PCDHGB1: variants seen among roughly 807,000 people sequenced by gnomAD.
The protein encoded by PCDHGB1 is protocadherin gamma subfamily B, 1.
Under a neutral mutation model 56.6 loss-of-function variants are expected in PCDHGB1, and 34 were observed. The observed-to-expected ratio is 0.60, with a 90% confidence interval of 0.46 to 0.80. The LOEUF is 0.80. Among genes scored for constraint, PCDHGB1 ranks in the 30% least tolerant of loss-of-function variants. The probability of loss-of-function intolerance (pLI) is 0.00; values close to 1 mark genes in which losing one functional copy is unlikely to be tolerated. For missense variants in PCDHGB1, 1,278 were observed against 1,204.6 expected, an observed-to-expected ratio of 1.06 and a Z score of -0.90; for synonymous variants, 561 against 505.9, an observed-to-expected ratio of 1.11 and a Z score of -1.46.
chr5:141,372,158 G>C, intron 1 of PCDHGB1: 2 of 1,613,800 alleles, frequency 1.2e-6, no homozygotes, highest in Non-Finnish European at 1.7e-6. Context: ...GCTACCTGGT[G>C]ACCAAGGTGG....
intron 2 of PCDHGB1, among the ~76,000 whole-genome samples, chr5:141,499,283 G>T (rs1460838051): frequency 6.6e-6 from 1 of 152,066 alleles, no homozygotes; most frequent in Non-Finnish European, 1.5e-5. Context: ...TTCTCTGATG[G>T]CTCCACACTA....
At position 141,486,706 on chromosome 5, in the gene PCDHGB1, C is replaced by G; in HGVS notation, c.2410-8101C>G. 6.2e-7 allele frequency: 1 copy of G among 1,614,154 alleles called. No homozygotes were observed. Among genetic ancestry groups the G allele is most frequent in the Non-Finnish European group, 8.5e-7 (1 of 1,180,024 alleles). ...CAGCTTCCTCTTTCATCTCTCTGAA[C>G]CCCCAGACAGGAGCTGTTCATGCTA... On this transcript the variant is annotated intron_variant, in intron 1 of 3. Coordinates refer to ENST00000523390, the MANE Select transcript of PCDHGB1 (RefSeq NM_018922.3). This position sits in a 1 kb window ranked among gnomAD's most constrained non-coding sequence, Gnocchi z 5.0.
intron 1 of PCDHGB1, chr5:141,376,418 C>G (rs1354597104): frequency 6.2e-7 from 1 of 1,614,230 alleles, no homozygotes; most frequent in Admixed American, 1.7e-5. Context: ...TGCCGACACG[C>G]TTATCAACCA....
intron 1 of PCDHGB1, among the ~76,000 whole-genome samples, chr5:141,483,767 T>C (rs2099586826): frequency 6.6e-6 from 1 of 151,840 alleles, no homozygotes; most frequent in Non-Finnish European, 1.5e-5. Flanking sequence ...CTTGGAAAAA[T>C]ATTGGGGAAG....
chr5:141,441,883 A>T, intron 1 of PCDHGB1: 1 of 343,546 alleles, frequency 2.9e-6, no homozygotes, highest in South Asian at 2.6e-5. Context: ...CTACCTGGTC[A>T]CCAAGGTGGT....
chr5:141,491,850 T>C lies in PCDHGB1; in HGVS notation c.2410-2957T>C. ...CCCGATTCTCGGGATCATTGGACCG[T>C]TTGCGCGAAACCAGAGTGGCCGATT... On this transcript the variant is annotated intron_variant, in intron 1 of 3. Transcript: ENST00000523390. The surrounding 1 kb of genome is among the most constrained non-coding windows in gnomAD (Gnocchi z 6.9). 6.8e-7 allele frequency: 1 copy of C among 1,460,996 alleles called. No homozygotes were observed. The highest frequency in any genetic ancestry group is 2.5e-5 in the East Asian group (1 of 40,084). The allele number at this position is 1,460,996 out of a possible 1,614,324, so 90.5% of individuals were successfully genotyped here.
At chr5:141,381,443 C>T (rs1777196570) in intron 1 of PCDHGB1, among the ~76,000 whole-genome samples, 1 of 152,224 alleles carries the variant, frequency 6.6e-6, no homozygotes, top group Admixed American at 6.5e-5. Flanking sequence ...CCTGTCAGGA[C>T]AGTCCTGCAT....
intron 1 of PCDHGB1, chr5:141,423,648 G>A (rs1291261924): frequency 2.5e-6 from 4 of 1,590,008 alleles, no homozygotes; most frequent in Middle Eastern, 1.7e-4. Flanking sequence ...AATGTGACCC[G>A]ACAAGTAATC....
intron 1 of PCDHGB1, chr5:141,403,303 C>T (rs1561687273): frequency 1.9e-6 from 3 of 1,613,820 alleles, no homozygotes; most frequent in South Asian, 2.2e-5. Flanking sequence ...TGAAACTGTA[C>T]GGAATAGAAA....
intron 1 of PCDHGB1, chr5:141,420,193 A>G: frequency 6.2e-7 from 1 of 1,613,766 alleles, no homozygotes; most frequent in South Asian, 1.1e-5. Context: ...CAGCCACACA[A>G]GATAACCTCA....
intron 1 of PCDHGB1, chr5:141,427,571 G>T (rs1199845374): frequency 9.1e-6 from 6 of 662,944 alleles, no homozygotes; most frequent in Non-Finnish European, 1.7e-5. Context: ...GCAAGCCTCC[G>T]CTCTCATCCA....
Position 141,489,557 on chromosome 5 carries a change from T to C in PCDHGB1, c.2410-5250T>C, listed in dbSNP as rs150797955. 54 of 1,613,956 alleles carry C rather than the reference T, an allele frequency of 3.3e-5. 1 individual carries two copies. Among genetic ancestry groups the C allele is most frequent in the Non-Finnish European group, 4.3e-5 (51 of 1,180,004 alleles). On this transcript the variant is annotated intron_variant, in intron 1 of 3. Coordinates refer to ENST00000523390, the MANE Select transcript of PCDHGB1 (RefSeq NM_018922.3). The surrounding 1 kb of genome is among the most constrained non-coding windows in gnomAD (Gnocchi z 4.5). ...GCCAGCACCAGCTGCCTGCTGCCAG[T>C]GCAGGTGGTGACTGAACACCCCCTG...
chr5:141,410,202 A>G (rs766392835), intron 1 of PCDHGB1: 2 of 1,614,018 alleles, frequency 1.2e-6, no homozygotes, highest in Non-Finnish European at 1.7e-6. Flanking sequence ...TTCGCAGACA[A>G]CTTGCAAGAG....
At chr5:141,372,234 C>G in intron 1 of PCDHGB1, 1 of 1,613,350 alleles carries the variant, frequency 6.2e-7, no homozygotes, top group Non-Finnish European at 8.5e-7. Context: ...GGCCAGCGAG[C>G]CCGGGCTGTT....
At chr5:141,448,850 C>A (rs1227646790) in intron 1 of PCDHGB1, among the ~76,000 whole-genome samples, 1 of 152,048 alleles carries the variant, frequency 6.6e-6, no homozygotes, top group Non-Finnish European at 1.5e-5. Context: ...GAGGCTGAGG[C>A]AGGAGAATGG....
rs1348785166 is a variant in PCDHGB1, at chr5:141,431,381, C to T, written c.2410-63426C>T. On this transcript the variant is annotated intron_variant, in intron 1 of 3. Coordinates refer to ENST00000523390, the MANE Select transcript of PCDHGB1 (RefSeq NM_018922.3). The surrounding 1 kb of genome is among the most constrained non-coding windows in gnomAD (Gnocchi z 4.8). Reference sequence around the variant, plus strand: ...CCTGGACCGCGAAGAAAAGGCTGCTCACCACCTGGTCCTTACGGCCTCCGA... The same window carrying T: ...CCTGGACCGCGAAGAAAAGGCTGCTTACCACCTGGTCCTTACGGCCTCCGA... 1.2e-6 allele frequency: 2 copies of T among 1,613,940 alleles called. No homozygotes were observed. Among genetic ancestry groups the T allele is most frequent in the Non-Finnish European group, 1.7e-6 (2 of 1,180,042 alleles).
intron 1 of PCDHGB1, among the ~76,000 whole-genome samples, chr5:141,354,830 T>C (rs1759646674): frequency 6.6e-6 from 1 of 151,920 alleles, no homozygotes; most frequent in South Asian, 2.1e-4. Context: ...ACAGGAAGAC[T>C]TGGATCATTC....
Position 141,487,532 on chromosome 5 carries a change from A to T in PCDHGB1, c.2410-7275A>T. 6.2e-7 allele frequency: 1 copy of T among 1,614,158 alleles called. No homozygotes were observed. The highest frequency in any genetic ancestry group is 8.5e-7 in the Non-Finnish European group (1 of 1,180,022). ...ACCCACTCGGAGTGATAGCTTCATG[A>T]TGGTGAAGTCACCCAGTGCACCTAT... is the stretch of plus-strand genomic sequence containing the variant. On this transcript the variant is annotated intron_variant, in intron 1 of 3. Transcript: ENST00000523390. This position sits in a 1 kb window ranked among gnomAD's most constrained non-coding sequence, Gnocchi z 5.0.
At chr5:141,384,676 G>A in intron 1 of PCDHGB1, 4 of 1,614,214 alleles carry the variant, frequency 2.5e-6, no homozygotes, top group Non-Finnish European at 3.4e-6. Flanking sequence ...CAAGGTGGTG[G>A]CGGTGGACAA....
Sources: gnomAD v4.1 joint callset for allele counts (sites outside exome capture counted in the v4.1 genomes callset) on GRCh38, gnomAD v4.1.1 for gene constraint, Gnocchi (gnomAD v3.1) non-coding constraint, MANE v1.5 for transcripts, NCBI Gene and HGNC (gene_info 2026-07-23, HGNC 2026-07-21) for gene names.